PCBP3: variants seen among roughly 807,000 people sequenced by gnomAD.
PCBP3 encodes the protein poly(rC)-binding protein 3.
A neutral mutation model predicts 52.7 loss-of-function variants in PCBP3; 25 were observed. The observed-to-expected ratio is 0.47, with a 90% CI of 0.35 to 0.66. The LOEUF is 0.66. Ranked by LOEUF, PCBP3 falls within the 30% of genes least tolerant of loss-of-function variation. PCBP3 has a pLI of 0.01. For synonymous variants in PCBP3, 162 were observed against 183.0 expected, an observed-to-expected ratio of 0.89 and a Z score of 0.93; for missense variants, 391 against 490.3, an observed-to-expected ratio of 0.80 and a Z score of 1.91.
At chr21:45,877,849 A>ACCCC (rs971041269) in intron 5 of PCBP3, among the ~76,000 whole-genome samples, 2 of 151,946 alleles carry the variant, frequency 1.3e-5, no homozygotes, top group Admixed American at 6.5e-5. Flanking sequence ...GTGGGGGTAC[A>ACCCC]CCCCCCTGCC....
chr21:45,914,347 C>CT (rs1444500952), intron 12 of PCBP3: 1 of 513,966 alleles, frequency 1.9e-6, no homozygotes, highest in Non-Finnish European at 3.4e-6. Context: ...CAGGCGCTTT[C>CT]TAGGTGATTT....
At chr21:45,773,138 A>G (rs1323650426) in intron 4 of PCBP3, among the ~76,000 whole-genome samples, 1 of 152,172 alleles carries the variant, frequency 6.6e-6, no homozygotes, top group African/African-American at 2.4e-5. Flanking sequence ...GGTCTTAGTC[A>G]TAAATTCTTT....
chr21:45,694,926 A>G (rs2082680662), intron 2 of PCBP3, among the ~76,000 whole-genome samples: 2 of 152,194 alleles, frequency 1.3e-5, no homozygotes, highest in African/African-American at 4.8e-5. Context: ...AATTTCAGCA[A>G]TTTGTTTTTT....
rs191935585 is a variant in PCBP3, at chr21:45,878,137, C to T, written c.11-18071C>T. Among the ~76,000 whole-genome samples the T allele has an allele frequency of 3.0e-3, 457 of 152,366 alleles. 1 individual carries two copies. The highest frequency in any genetic ancestry group is 0.01 in the African/African-American group (419 of 41,598). On this transcript the variant is annotated intron_variant, in intron 5 of 17. Transcript: ENST00000681687. The stretch of plus-strand genomic sequence containing the variant: ...AGTCTCTCCCATCCTCACCCCCAGG[C>T]GATCCTGTGGCAGCAGTGGCTTTGA...
chr21:45,662,041 G>T (rs2147086941), intron 1 of PCBP3, among the ~76,000 whole-genome samples: 1 of 151,952 alleles, frequency 6.6e-6, no homozygotes, highest in African/African-American at 2.4e-5. Context: ...TTAGTCTTTT[G>T]TTGGATGTAT....
chr21:45,892,004 C>T (rs2095675942), intron 5 of PCBP3, among the ~76,000 whole-genome samples: 1 of 152,190 alleles, frequency 6.6e-6, no homozygotes, highest in Non-Finnish European at 1.5e-5. Flanking sequence ...GGGTCAGAAT[C>T]TAATGTAAGG....
At chr21:45,854,685 G>T (rs975867200) in intron 5 of PCBP3, among the ~76,000 whole-genome samples, 3 of 152,228 alleles carry the variant, frequency 2.0e-5, no homozygotes, top group Admixed American at 6.5e-5. Context: ...GTTAGGAGCG[G>T]TGCCCTTGTG....
At chr21:45,858,589 A>G (rs1485414829) in intron 5 of PCBP3, 1 of 152,162 alleles carries the variant, frequency 6.6e-6, no homozygotes, top group Non-Finnish European at 1.5e-5. Flanking sequence ...CTTAGGACCA[A>G]AAGGAAGGCC....
intron 1 of PCBP3, among the ~76,000 whole-genome samples, chr21:45,652,006 G>T (rs1186202597): frequency 6.6e-6 from 1 of 152,124 alleles, no homozygotes; most frequent in African/African-American, 2.4e-5. Flanking sequence ...GTATGAGATC[G>T]CTCCTTTAAT....
At chr21:45,834,437 G>A (rs1449614010) in intron 4 of PCBP3, among the ~76,000 whole-genome samples, 1 of 152,218 alleles carries the variant, frequency 6.6e-6, no homozygotes, top group African/African-American at 2.4e-5. Context: ...TGACTGTCTA[G>A]GGGTGGCGTC....
intron 7 of PCBP3, 69 bp downstream of exon 7, chr21:45,899,691 C>A: frequency 7.9e-7 from 1 of 1,262,562 alleles, no homozygotes; most frequent in Non-Finnish European, 1.2e-6. Context: ...GGCAGCCTCC[C>A]TGGGTACTAG....
At chr21:45,891,991 A>G (rs2148941769) in intron 5 of PCBP3, among the ~76,000 whole-genome samples, 1 of 152,294 alleles carries the variant, frequency 6.6e-6, no homozygotes, top group South Asian at 2.1e-4. Context: ...TAAAATCACC[A>G]CAGGGTCAGA....
At chr21:45,726,837 T>C (rs1408515256) in intron 2 of PCBP3, among the ~76,000 whole-genome samples, 1 of 152,258 alleles carries the variant, frequency 6.6e-6, no homozygotes, top group East Asian at 1.9e-4. Flanking sequence ...TTGAAGTACC[T>C]GATCAAATAT....
chr21:45,796,685 T>G (rs756142557), intron 4 of PCBP3, among the ~76,000 whole-genome samples: 7 of 152,232 alleles, frequency 4.6e-5, no homozygotes, highest in Non-Finnish European at 8.8e-5. Flanking sequence ...TTTGCACCAT[T>G]AATGCCTTTT....
chr21:45,913,804 C>T, intron 11 of PCBP3, 147 bp from the exon 12 acceptor site: 1 of 710,222 alleles, frequency 1.4e-6, no homozygotes, highest in Non-Finnish European at 2.3e-6. Flanking sequence ...ACTCCCCTCC[C>T]CCAGCACTGC....
At chr21:45,890,498 T>A (rs2095626973) in intron 5 of PCBP3, among the ~76,000 whole-genome samples, 1 of 150,104 alleles carries the variant, frequency 6.7e-6, no homozygotes, top group Non-Finnish European at 1.5e-5. Context: ...TAATAGAACC[T>A]GGAACTCTGC....
chr21:45,777,458 T>C (rs1258278296), intron 4 of PCBP3, among the ~76,000 whole-genome samples: 1 of 152,224 alleles, frequency 6.6e-6, no homozygotes, highest in Non-Finnish European at 1.5e-5. Context: ...AATGTCTAAA[T>C]CTTCTGCTAG....
At chr21:45,747,012 G>A (rs1381034370) in intron 3 of PCBP3, among the ~76,000 whole-genome samples, 5 of 151,980 alleles carry the variant, frequency 3.3e-5, no homozygotes, top group East Asian at 1.9e-4. Context: ...TGTCAGCATC[G>A]CTGTGTCAGT....
chr21:45,725,581 C>G (rs754215423), intron 2 of PCBP3, among the ~76,000 whole-genome samples: 1 of 152,196 alleles, frequency 6.6e-6, no homozygotes, highest in South Asian at 2.1e-4. Context: ...GTGCTCTTCC[C>G]GGTCTCAGAG....
Sources: allele counts gnomAD v4.1 joint callset (sites outside exome capture counted in the v4.1 genomes callset), GRCh38; gene constraint gnomAD v4.1.1; transcripts MANE v1.5; gene names NCBI Gene and HGNC (gene_info 2026-07-23, HGNC 2026-07-21).